The following FRAS1 variants were observed in gnomAD, a reference collection of about 807,000 sequenced individuals.
FRAS1 encodes Fraser extracellular matrix complex subunit 1, also known as extracellular matrix organizing protein FRAS1.
A neutral mutation model predicts 435.2 loss-of-function variants in FRAS1; 290 were observed. The observed-to-expected ratio is 0.67, with a 90% confidence interval of 0.61 to 0.73. The LOEUF (loss-of-function observed/expected upper bound fraction) is 0.73. Among genes scored for constraint, FRAS1 ranks in the 30% least tolerant of loss-of-function variants. FRAS1 has a pLI of 0.00. For synonymous variants in FRAS1, 1,800 were observed against 1,851.0 expected (o/e 0.97, Z 0.71); for missense variants, 4,860 against 5,001.5 (o/e 0.97, Z 0.85).
intron 2 of FRAS1, among the ~76,000 whole-genome samples, chr4:78,100,933 C>T (rs1165529365): frequency 6.6e-6 from 1 of 152,132 alleles, no homozygotes; most frequent in Non-Finnish European, 1.5e-5. Flanking sequence ...ACTGTCTTTC[C>T]ACCTTATGCT....
rs568809851 is a variant in FRAS1 at position 78,094,804 on chromosome 4, G to A, written c.108+28788G>A. On this transcript the variant is annotated intron_variant, in intron 2 of 73. Transcript: ENST00000512123. Reference sequence around the variant, plus strand: ...CTTAGAGCCATATGATCTGAGTTTAGATCCATGTTCTATTTAGTAGCTGTT... The same window carrying A: ...CTTAGAGCCATATGATCTGAGTTTAAATCCATGTTCTATTTAGTAGCTGTT... Among the ~76,000 whole-genome samples the A allele has an allele frequency of 2.0e-5, 3 of 152,204 alleles. No homozygotes were observed. In the South Asian group the frequency reaches 6.2e-4, roughly 32 times the overall value.
chr4:78,444,167 A>G (rs1349719684), intron 41 of FRAS1: 3 of 455,716 alleles, frequency 6.6e-6, no homozygotes, highest in African/African-American at 2.0e-5. Context: ...TACTTGGGCC[A>G]TTTTTGACTC....
At chr4:78,172,695 T>C (rs1721608126) in intron 2 of FRAS1, among the ~76,000 whole-genome samples, 1 of 152,090 alleles carries the variant, frequency 6.6e-6, no homozygotes, top group Non-Finnish European at 1.5e-5. Flanking sequence ...TTCTTTCAGT[T>C]TTATTTTTTA....
chr4:78,140,289 A>G (rs1343055736), intron 2 of FRAS1, among the ~76,000 whole-genome samples: 1 of 152,146 alleles, frequency 6.6e-6, no homozygotes, highest in African/African-American at 2.4e-5. Context: ...GTCACATTCA[A>G]ATTTCTAACT....
intron 66 of FRAS1, among the ~76,000 whole-genome samples, chr4:78,518,420 G>GTATATATATATATA (rs1282959069): frequency 4.6e-5 from 3 of 65,710 alleles, no homozygotes; most frequent in African/African-American, 2.1e-4. Context: ...TTTTTTTGTT[G>GTATATATATATATA]TGTATATATA....
intron 4 of FRAS1, among the ~76,000 whole-genome samples, chr4:78,246,758 C>A (rs1366895722): frequency 2.6e-5 from 4 of 151,740 alleles, no homozygotes; most frequent in Non-Finnish European, 4.4e-5. Flanking sequence ...AAAAAAAAAA[C>A]CAGACATATC....
chr4:78,232,287 G>T (rs533606294), intron 2 of FRAS1, among the ~76,000 whole-genome samples: 167 of 148,238 alleles, frequency 1.1e-3, no homozygotes, highest in African/African-American at 4.2e-3. Context: ...ATACAAGGAA[G>T]ATTTTTTTTT....
chr4:78,192,001 T>C (rs1578176673), intron 2 of FRAS1, among the ~76,000 whole-genome samples: 1 of 152,218 alleles, frequency 6.6e-6, no homozygotes, highest in Non-Finnish European at 1.5e-5. Flanking sequence ...GCAATAAACA[T>C]ACGTGTGCAT....
intron 14 of FRAS1, among the ~76,000 whole-genome samples, chr4:78,295,671 A>T (rs185844672): frequency 6.6e-6 from 1 of 151,244 alleles, no homozygotes; most frequent in African/African-American, 2.4e-5. Flanking sequence ...TTAAATAACT[A>T]CACTAATGTG....
At chr4:78,428,346 G>A (rs1361177745) in intron 35 of FRAS1, among the ~76,000 whole-genome samples, 2 of 149,848 alleles carry the variant, frequency 1.3e-5, no homozygotes, top group Admixed American at 6.6e-5. Context: ...TTTTTGAGAC[G>A]AAGTCTCGCT....
At position 78,278,656 on chromosome 4, in the gene FRAS1, A is replaced by AAATTAATTCTACATCTAAG; in HGVS notation, c.983_984insAATTAATTCTACATCTAAG (p.Asp328GlufsTer8). 1 of 1,559,544 alleles carries AAATTAATTCTACATCTAAG rather than the reference A, an allele frequency of 6.4e-7. No individual in the cohort carries two copies. Among genetic ancestry groups the AAATTAATTCTACATCTAAG allele is most frequent in the Non-Finnish European group, 8.8e-7 (1 of 1,130,570 alleles). ...CCACTGCAACCCTTATTTCTACAGG[A>AAATTAATTCTACATCTAAG]TGAAGAATTAATTCACTTAGATGGA... On this transcript the variant is annotated frameshift_variant and splice_region_variant, in exon 10 of 74. Transcript: ENST00000512123. LOFTEE classifies it high-confidence loss of function.
intron 48 of FRAS1, 70 bp from the exon 49 acceptor site, chr4:78,464,373 G>A (rs1466055523): frequency 6.3e-7 from 1 of 1,582,546 alleles, no homozygotes; most frequent in Non-Finnish European, 8.6e-7. Context: ...AAAGTAGAGA[G>A]CACCTACCTT....
intron 2 of FRAS1, among the ~76,000 whole-genome samples, chr4:78,109,391 C>A (rs1179641661): frequency 2.0e-5 from 3 of 148,120 alleles, no homozygotes; most frequent in Admixed American, 6.8e-5. Flanking sequence ...CATCAAAAAG[C>A]TTATCCACCA....
At chr4:78,096,250 A>C (rs1340294704) in intron 2 of FRAS1, among the ~76,000 whole-genome samples, 3 of 152,200 alleles carry the variant, frequency 2.0e-5, no homozygotes, top group African/African-American at 7.2e-5. Context: ...GGGGGTTCCC[A>C]TGGTCTTGGG....
At chr4:78,232,245 A>G (rs1724545789) in intron 2 of FRAS1, among the ~76,000 whole-genome samples, 1 of 152,120 alleles carries the variant, frequency 6.6e-6, no homozygotes, top group Admixed American at 6.6e-5. Flanking sequence ...AAAATTAACC[A>G]TAACACATTA....
chr4:78,392,884 G>T (rs1388163249), intron 29 of FRAS1, among the ~76,000 whole-genome samples: 2 of 151,846 alleles, frequency 1.3e-5, no homozygotes, highest in Non-Finnish European at 2.9e-5. Context: ...CACCTTAAAT[G>T]TAGAAAAGAT....
At chr4:78,384,194 A>C in intron 28 of FRAS1, 51 bp downstream of exon 28, 293 of 1,214,226 alleles carry the variant, frequency 2.4e-4, no homozygotes, top group Non-Finnish European at 3.1e-4. Context: ...ACTAGTTCTC[A>C]AGCACGAAAT....
In FRAS1 at chr4:78,541,038, G is replaced by C; in HGVS notation, c.11953G>C (p.Ala3985Pro). The change falls in exon 74 of 74, where the codon GCT becomes CCT. Residue 3985 changes from alanine (A) to proline (P), a missense_variant. By Grantham distance (27) the Ala-to-Pro change is conservative. Transcript: ENST00000512123. Reference sequence around the variant, plus strand: ...CAACATCCTGAGTGAGCCTGAGGCGGCTTACACGTTCAAAGGTGCTAAAGT... The same window carrying C: ...CAACATCCTGAGTGAGCCTGAGGCGCCTTACACGTTCAAAGGTGCTAAAGT... ...NVNILSEPEA[A>P]YTFKGAKVKR... is the part of the protein sequence containing the mutation. 1 of 1,492,496 alleles carries C rather than the reference G, an allele frequency of 6.7e-7. No individual in the cohort carries two copies. 92.5% of individuals were successfully genotyped at this position (1,492,496 alleles called of 1,614,324 possible). A position where few individuals can be genotyped will look rare whatever the true frequency, so the allele number is the denominator to read the frequency against.
intron 9 of FRAS1, among the ~76,000 whole-genome samples, chr4:78,275,568 T>C (rs1196221693): frequency 6.6e-6 from 1 of 152,184 alleles, no homozygotes; most frequent in African/African-American, 2.4e-5. Flanking sequence ...TCTCCTTAAC[T>C]TACGAAGCTT....
Sources: allele counts gnomAD v4.1 joint callset (sites outside exome capture counted in the v4.1 genomes callset), GRCh38; gene constraint gnomAD v4.1.1; transcripts MANE v1.5; gene names NCBI Gene and HGNC (gene_info 2026-07-23, HGNC 2026-07-21).